The following GABBR2 variants were observed in gnomAD, a reference collection of about 807,000 sequenced individuals.
GABBR2 encodes the protein G-protein coupled receptor 51.
A neutral mutation model predicts 105.6 loss-of-function variants in GABBR2; 23 were observed. The ratio of observed to expected loss-of-function variants is 0.22; its 90% CI spans 0.16 to 0.31. The LOEUF is 0.31. Among genes scored for constraint, GABBR2 ranks in the 10% least tolerant of loss-of-function variants. The probability of loss-of-function intolerance (pLI) is 1.00; values close to 1 mark genes in which losing one functional copy is unlikely to be tolerated. For missense variants in GABBR2, 734 were observed against 1,245.5 expected, an observed-to-expected ratio of 0.59 and a Z score of 6.18; for synonymous variants, 478 against 499.7, an observed-to-expected ratio of 0.96 and a Z score of 0.58.
intron 3 of GABBR2, among the ~76,000 whole-genome samples, chr9:98,509,658 G>A (rs1376203013): frequency 6.6e-6 from 1 of 152,218 alleles, no homozygotes; most frequent in African/African-American, 2.4e-5. Context: ...TCAACTGGAA[G>A]AAAGGGTATC....
Position 98,306,651 on chromosome 9 carries a change from T to C in GABBR2, c.2005-306A>G. On this transcript the variant is annotated intron_variant, in intron 14 of 18. Transcript: ENST00000259455. The surrounding 1 kb of genome is among the most constrained non-coding windows in gnomAD (Gnocchi z 5.4). ...GTGGAAGGGAACTTCAGATAAGATCTCAGCTTTCTCCCTCACTCTCTAGGG... is the reference window on the plus strand; with the variant it reads ...GTGGAAGGGAACTTCAGATAAGATCCCAGCTTTCTCCCTCACTCTCTAGGG... 1 of 430,728 alleles carries C rather than the reference T, an allele frequency of 2.3e-6. No homozygotes were observed. The highest frequency in any genetic ancestry group is 4.8e-5 in the East Asian group (1 of 21,038). 26.7% of individuals were successfully genotyped at this position (430,728 alleles called of 1,614,324 possible). A position where few individuals can be genotyped will look rare whatever the true frequency, so the allele number is the denominator to read the frequency against.
intron 12 of GABBR2, among the ~76,000 whole-genome samples, chr9:98,364,929 A>G (rs2131449814): frequency 6.6e-6 from 1 of 152,300 alleles, no homozygotes; most frequent in Non-Finnish European, 1.5e-5. Context: ...AGTATTTAAA[A>G]TTAAGTGGAC....
At chr9:98,358,512 C>G (rs1200501347) in intron 13 of GABBR2, among the ~76,000 whole-genome samples, 1 of 152,238 alleles carries the variant, frequency 6.6e-6, no homozygotes, top group Non-Finnish European at 1.5e-5. Context: ...CCACAGCACC[C>G]TGTACCATGA....
intron 2 of GABBR2, among the ~76,000 whole-genome samples, chr9:98,555,263 T>C (rs1009451211): frequency 6.6e-6 from 1 of 152,196 alleles, no homozygotes; most frequent in Non-Finnish European, 1.5e-5. Flanking sequence ...GCATACCCAT[T>C]TTACAGATGA....
At chr9:98,443,808 G>A (rs188350176) in intron 7 of GABBR2, among the ~76,000 whole-genome samples, 299 of 152,272 alleles carry the variant, frequency 2.0e-3, no homozygotes, top group African/African-American at 7.0e-3. Flanking sequence ...GTGTAGAGGG[G>A]AACCGTTACA....
At chr9:98,642,748 CGT>C (rs142022326) in intron 1 of GABBR2, among the ~76,000 whole-genome samples, 1 of 152,112 alleles carries the variant, frequency 6.6e-6, no homozygotes, top group Admixed American at 6.6e-5. Context: ...TAGGCGTGCG[CGT>C]GTGTGTGTAG....
intron 7 of GABBR2, among the ~76,000 whole-genome samples, chr9:98,452,866 G>A (rs1468181035): frequency 1.3e-5 from 2 of 152,198 alleles, no homozygotes; most frequent in African/African-American, 2.4e-5. Flanking sequence ...AGGTAAGTAT[G>A]ATTTCCATTG....
intron 7 of GABBR2, among the ~76,000 whole-genome samples, chr9:98,414,671 C>T (rs1246689579): frequency 1.3e-5 from 2 of 152,190 alleles, no homozygotes; most frequent in Non-Finnish European, 2.9e-5. Context: ...TCCTTTTCCT[C>T]CTAGGCACAT....
At chr9:98,405,876 T>C (rs1404837155) in intron 8 of GABBR2, among the ~76,000 whole-genome samples, 2 of 152,044 alleles carry the variant, frequency 1.3e-5, no homozygotes, top group Non-Finnish European at 2.9e-5. Context: ...CCCATGGAGA[T>C]GGAGGGCTGA....
intron 1 of GABBR2, among the ~76,000 whole-genome samples, chr9:98,657,856 C>T (rs1830203880): frequency 6.6e-6 from 1 of 152,224 alleles, no homozygotes; most frequent in Non-Finnish European, 1.5e-5. Flanking sequence ...TCTCTCTGTC[C>T]TGCCCCCTGT....
chr9:98,476,614 C>T (rs953009929), intron 5 of GABBR2, among the ~76,000 whole-genome samples: 1 of 152,216 alleles, frequency 6.6e-6, no homozygotes, highest in Non-Finnish European at 1.5e-5. Context: ...TCATTCTCTT[C>T]TCCTCTTGGT....
At chr9:98,408,708 T>C (rs1832531903) in intron 7 of GABBR2, among the ~76,000 whole-genome samples, 1 of 152,202 alleles carries the variant, frequency 6.6e-6, no homozygotes, top group East Asian at 1.9e-4. Flanking sequence ...CAGAAACAAG[T>C]CCTCCAATGC....
intron 1 of GABBR2, among the ~76,000 whole-genome samples, chr9:98,612,722 G>A (rs908459221): frequency 6.6e-6 from 1 of 152,238 alleles, no homozygotes; most frequent in Middle Eastern, 3.4e-3. Context: ...AAAATTCTCA[G>A]GGGGGAAAAA....
chr9:98,420,557 C>A (rs1832765579), intron 7 of GABBR2, among the ~76,000 whole-genome samples: 1 of 152,224 alleles, frequency 6.6e-6, no homozygotes, highest in Non-Finnish European at 1.5e-5. Context: ...AAGACTTAGT[C>A]CCTGCCCTCA....
intron 3 of GABBR2, among the ~76,000 whole-genome samples, chr9:98,528,810 C>T (rs1015453733): frequency 2.6e-5 from 4 of 151,052 alleles, no homozygotes; most frequent in African/African-American, 4.9e-5. Context: ...GGAATGGTCC[C>T]GTATACTGCT....
chr9:98,690,900 C>T (rs1830674955), intron 1 of GABBR2, among the ~76,000 whole-genome samples: 1 of 152,216 alleles, frequency 6.6e-6, no homozygotes, highest in South Asian at 2.1e-4. Context: ...AGCCTTCTGC[C>T]CTGTGACTGC....
intron 3 of GABBR2, among the ~76,000 whole-genome samples, chr9:98,515,638 A>G (rs1031613523): frequency 6.6e-6 from 1 of 151,978 alleles, no homozygotes; most frequent in Non-Finnish European, 1.5e-5. Context: ...AGACAGCAAA[A>G]GGCATAGGTG....
At chr9:98,351,113 T>C (rs1302460924) in intron 13 of GABBR2, among the ~76,000 whole-genome samples, 2 of 152,162 alleles carry the variant, frequency 1.3e-5, no homozygotes, top group East Asian at 3.8e-4. Context: ...TCACTTTCAG[T>C]CTATTTATAT....
At chr9:98,468,587 A>G (rs1826605698) in intron 6 of GABBR2, among the ~76,000 whole-genome samples, 1 of 152,240 alleles carries the variant, frequency 6.6e-6, no homozygotes, top group South Asian at 2.1e-4. Context: ...TCAAAAATTT[A>G]AATACAGAAT....
Sources: allele counts gnomAD v4.1 joint callset (sites outside exome capture counted in the v4.1 genomes callset), GRCh38; gene constraint gnomAD v4.1.1; non-coding constraint Gnocchi (gnomAD v3.1); transcripts MANE v1.5; gene names NCBI Gene and HGNC (gene_info 2026-07-23, HGNC 2026-07-21).